SCD5: variants seen among roughly 807,000 people sequenced by gnomAD.
SCD5 encodes the protein acyl-CoA-desaturase 4.
A neutral mutation model predicts 30.4 loss-of-function variants in SCD5; 20 were observed. That is an observed-to-expected ratio of 0.66 (90% confidence interval 0.46 to 0.96). SCD5 has a LOEUF of 0.96. Among genes scored for constraint, SCD5 ranks in the 40% least tolerant of loss-of-function variants. The pLI is 0.00. For missense variants in SCD5, 381 were observed against 443.3 expected (o/e 0.86, Z 1.26); for synonymous variants, 173 against 176.4 (o/e 0.98, Z 0.16).
At chr4:82,735,218 T>C (rs978022984) in intron 1 of SCD5, among the ~76,000 whole-genome samples, 16 of 152,192 alleles carry the variant, frequency 1.1e-4, no homozygotes, top group African/African-American at 3.6e-4. Context: ...GTTCTCCCCA[T>C]GTCTGTATGG....
chr4:82,689,161 G>C (rs908180902), intron 2 of SCD5, among the ~76,000 whole-genome samples: 1 of 152,218 alleles, frequency 6.6e-6, no homozygotes, highest in Admixed American at 6.5e-5. Context: ...TCAGGAGTGT[G>C]GAGAAATGGC....
chr4:82,666,616 A>G (rs1367024905), intron 3 of SCD5, among the ~76,000 whole-genome samples: 1 of 152,236 alleles, frequency 6.6e-6, no homozygotes, highest in Admixed American at 6.5e-5. Flanking sequence ...ATATCTAAAT[A>G]TTAGTGAGAA....
chr4:82,798,252 C>G, intron 1 of SCD5, 54 bp downstream of exon 1: 1 of 1,409,994 alleles, frequency 7.1e-7, no homozygotes, highest in Non-Finnish European at 9.3e-7. Context: ...CTCGCGCGCC[C>G]CAGCGCGGCC....
chr4:82,652,886 C>T (rs1727786174), intron 3 of SCD5, among the ~76,000 whole-genome samples: 1 of 152,172 alleles, frequency 6.6e-6, no homozygotes, highest in African/African-American at 2.4e-5. Flanking sequence ...GGTGTGGTGG[C>T]TCACACCTGT....
chr4:82,667,745 C>A (rs942017062), intron 3 of SCD5, among the ~76,000 whole-genome samples: 12 of 151,990 alleles, frequency 7.9e-5, no homozygotes, highest in Middle Eastern at 6.8e-3. Flanking sequence ...GAGAATTATT[C>A]AAAGGAAAAA....
At chr4:82,756,462 A>G (rs1721235961) in intron 1 of SCD5, among the ~76,000 whole-genome samples, 1 of 152,192 alleles carries the variant, frequency 6.6e-6, no homozygotes, top group South Asian at 2.1e-4. Flanking sequence ...AAGGTGGCTC[A>G]CGCCTGTAAT....
chr4:82,770,499 C>A (rs943179527), intron 1 of SCD5, among the ~76,000 whole-genome samples: 1 of 152,184 alleles, frequency 6.6e-6, no homozygotes, highest in African/African-American at 2.4e-5. Flanking sequence ...CAAGCAGTTG[C>A]ATTTCTAGGG....
At chr4:82,733,581 G>A (rs1211779794) in intron 1 of SCD5, among the ~76,000 whole-genome samples, 1 of 152,132 alleles carries the variant, frequency 6.6e-6, no homozygotes, top group Non-Finnish European at 1.5e-5. Flanking sequence ...GCCTTCTAAT[G>A]TGTGGAGGGG....
At chr4:82,742,273 G>A (rs17006237) in intron 1 of SCD5, among the ~76,000 whole-genome samples, 11,343 of 152,044 alleles carry the variant, frequency 0.075, 1,423 homozygotes, top group African/African-American at 0.26. Flanking sequence ...GGGCATGCAG[G>A]AGCTAGTCTG....
chr4:82,749,580 C>T (rs931898093), intron 1 of SCD5, among the ~76,000 whole-genome samples: 1 of 152,230 alleles, frequency 6.6e-6, no homozygotes, highest in Non-Finnish European at 1.5e-5. Context: ...TTGGGCCAAA[C>T]AGGCAATGTT....
chr4:82,712,283 TA>T (rs1720120902), intron 1 of SCD5, among the ~76,000 whole-genome samples: 2 of 48,390 alleles, frequency 4.1e-5, no homozygotes, highest in African/African-American at 2.1e-4. Flanking sequence ...TATATATATA[TA>T]TATATATATA....
chr4:82,736,254 T>C (rs1720747768), intron 1 of SCD5, among the ~76,000 whole-genome samples: 1 of 146,150 alleles, frequency 6.8e-6, no homozygotes, highest in African/African-American at 2.6e-5. Context: ...TGTCACTGCA[T>C]CCAGCCTGGG....
intron 1 of SCD5, among the ~76,000 whole-genome samples, chr4:82,787,002 G>A (rs900472467): frequency 6.6e-6 from 1 of 152,146 alleles, no homozygotes; most frequent in East Asian, 1.9e-4. Flanking sequence ...CCGGCCAAAA[G>A]CTATTGTTTT....
At chr4:82,706,480 C>T (rs906731797) in intron 1 of SCD5, among the ~76,000 whole-genome samples, 16 of 152,230 alleles carry the variant, frequency 1.1e-4, no homozygotes, top group Non-Finnish European at 1.5e-4. Context: ...TTCACAGCAG[C>T]GCCTGTACTG....
chr4:82,712,507 T>G (rs1035415607), intron 1 of SCD5, among the ~76,000 whole-genome samples: 2 of 150,052 alleles, frequency 1.3e-5, no homozygotes, highest in Non-Finnish European at 3.0e-5. Flanking sequence ...TAGTAGAGAC[T>G]GGGTTTCACC....
chr4:82,693,313 C>T (rs1275087476), intron 2 of SCD5, among the ~76,000 whole-genome samples: 1 of 152,102 alleles, frequency 6.6e-6, no homozygotes, highest in African/African-American at 2.4e-5. Flanking sequence ...GGTGTGACAT[C>T]TCTCATTGCC....
intron 3 of SCD5, among the ~76,000 whole-genome samples, chr4:82,656,265 C>T (rs1727865979): frequency 6.6e-6 from 1 of 152,058 alleles, no homozygotes; most frequent in South Asian, 2.1e-4. Flanking sequence ...CCCACAACCC[C>T]CCAACAGGCC....
At chr4:82,687,268 A>G (rs957793835) in intron 2 of SCD5, among the ~76,000 whole-genome samples, 10 of 152,294 alleles carry the variant, frequency 6.6e-5, no homozygotes, top group African/African-American at 1.7e-4. Flanking sequence ...AATAAAAAAT[A>G]TAAGTTTAAG....
chr4:82,648,314 G>C (rs1177382724), intron 3 of SCD5, among the ~76,000 whole-genome samples: 1 of 152,238 alleles, frequency 6.6e-6, no homozygotes, highest in African/African-American at 2.4e-5. Context: ...TCAGGCTCCA[G>C]CATCAACAGA....
Sources: allele counts gnomAD v4.1 joint callset (sites outside exome capture counted in the v4.1 genomes callset), GRCh38; gene constraint gnomAD v4.1.1; transcripts MANE v1.5; gene names NCBI Gene and HGNC (gene_info 2026-07-23, HGNC 2026-07-21).